The following WIF1 variants were observed in gnomAD, a reference collection of about 807,000 sequenced individuals.
WIF1 encodes Wnt inhibitory factor 1.
In WIF1, 35 loss-of-function variants were observed where a neutral mutation model predicts 53.5. The ratio of observed to expected loss-of-function variants is 0.65; its 90% confidence interval spans 0.50 to 0.87. WIF1 has a LOEUF of 0.87. WIF1 is among the 40% of genes least tolerant of loss of function. The probability of loss-of-function intolerance (pLI) is 0.00; values close to 1 mark genes in which losing one functional copy is unlikely to be tolerated. For missense variants in WIF1, 467 were observed against 476.8 expected, an observed-to-expected ratio of 0.98 and a Z score of 0.19; for synonymous variants, 171 against 170.4, an observed-to-expected ratio of 1.00 and a Z score of -0.03.
intron 3 of WIF1, among the ~76,000 whole-genome samples, chr12:65,077,441 A>G (rs1223039500): frequency 6.6e-6 from 1 of 152,180 alleles, no homozygotes; most frequent in Non-Finnish European, 1.5e-5. Flanking sequence ...TACATTGGCC[A>G]AATATATCTC....
At chr12:65,107,164 C>A (rs1385631277) in intron 2 of WIF1, among the ~76,000 whole-genome samples, 1 of 152,130 alleles carries the variant, frequency 6.6e-6, no homozygotes, top group African/African-American at 2.4e-5. Flanking sequence ...TTTTACATTG[C>A]CATCTGCTGG....
chr12:65,093,384 G>GT (rs1334076156), intron 2 of WIF1, among the ~76,000 whole-genome samples: 2 of 152,032 alleles, frequency 1.3e-5, no homozygotes, highest in Admixed American at 6.6e-5. Flanking sequence ...TTTTTTGTTT[G>GT]TTTTTTGCCT....
At chr12:65,063,066 T>A (rs1882637427) in intron 6 of WIF1, among the ~76,000 whole-genome samples, 1 of 152,140 alleles carries the variant, frequency 6.6e-6, no homozygotes, top group Admixed American at 6.6e-5. Context: ...CTTATTGAGA[T>A]TGTTTTTTAA....
At chr12:65,051,597 C>T (rs1273191565) in intron 9 of WIF1, 127 bp from the exon 10 acceptor site, 12 of 1,171,130 alleles carry the variant, frequency 1.0e-5, no homozygotes, top group Non-Finnish European at 1.4e-5. Flanking sequence ...GCAATGACCA[C>T]AAAAAGCTAC....
In WIF1 at chr12:65,055,362, T is replaced by C. The variant is rs1287746011; in HGVS notation, c.923-149A>G. On this transcript the variant is annotated intron_variant, in intron 8 of 9. Transcript: ENST00000286574. ...CCTAAGTCAGTCTCCAGTCATAAGTTGGTTTTGGACTTTTTGTAAAGTCCT... is the reference window on the plus strand; with the variant it reads ...CCTAAGTCAGTCTCCAGTCATAAGTCGGTTTTGGACTTTTTGTAAAGTCCT... 3.8e-6 allele frequency: 3 copies of C among 799,082 alleles called. No individual in the cohort carries two copies. The African/African-American group carries it at 5.2e-5, about 14-fold the overall frequency. The allele number at this position is 799,082 out of a possible 1,614,324, so 49.5% of individuals were successfully genotyped here.
intron 2 of WIF1, 138 bp from the exon 3 acceptor site, chr12:65,077,992 G>C (rs1565753285): frequency 1.5e-6 from 1 of 656,876 alleles, no homozygotes; most frequent in Non-Finnish European, 2.7e-6. Context: ...CAAGATACTG[G>C]GTAGGCACAA....
chr12:65,099,164 G>C (rs1487791768), intron 2 of WIF1, among the ~76,000 whole-genome samples: 1 of 152,154 alleles, frequency 6.6e-6, no homozygotes, highest in Non-Finnish European at 1.5e-5. Context: ...AATCTTCTCA[G>C]AAACACATGT....
chr12:65,103,137 C>G lies in WIF1; in HGVS notation c.288+17280G>C, dbSNP rs376397391. Among the ~76,000 whole-genome samples the G allele has an allele frequency of 2.6e-5, 4 of 152,128 alleles. No individual in the cohort carries two copies. In the East Asian group the frequency reaches 7.7e-4, roughly 29 times the overall value. On this transcript the variant is annotated intron_variant, in intron 2 of 9. Transcript: ENST00000286574. Reference sequence around the variant, plus strand: ...ATCATGAACACACAAATCTTTTGTGCGTTATAGAAAAATGCACAACTATTA... The same window carrying G: ...ATCATGAACACACAAATCTTTTGTGGGTTATAGAAAAATGCACAACTATTA...
At chr12:65,076,939 C>T (rs1346273712) in intron 3 of WIF1, among the ~76,000 whole-genome samples, 1 of 150,324 alleles carries the variant, frequency 6.7e-6, no homozygotes, top group Non-Finnish European at 1.5e-5. Flanking sequence ...TATATTATCA[C>T]AAATATGTAA....
chr12:65,057,658 C>T (rs1029695570), intron 7 of WIF1, among the ~76,000 whole-genome samples: 3 of 152,112 alleles, frequency 2.0e-5, no homozygotes, highest in East Asian at 1.9e-4. Context: ...TTTAGCAGAA[C>T]ACTCATTACA....
At chr12:65,074,278 G>A (rs1288811996) in intron 3 of WIF1, among the ~76,000 whole-genome samples, 1 of 151,726 alleles carries the variant, frequency 6.6e-6, no homozygotes, top group African/African-American at 2.4e-5. Flanking sequence ...AAAGCACTTA[G>A]GATACAAGCA....
chr12:65,107,087 T>C lies in WIF1; in HGVS notation c.288+13330A>G, dbSNP rs563789049. ...CATAAAGATCACAAATGGGCTTCTG[T>C]TACACAGAGAGCACCTGCAAGCTTA... On this transcript the variant is annotated intron_variant, in intron 2 of 9. Transcript: ENST00000286574. Among the ~76,000 whole-genome samples the C allele has an allele frequency of 4.7e-4, 71 of 152,254 alleles. 1 individual carries two copies. Among genetic ancestry groups the C allele is most frequent in the African/African-American group, 1.4e-3 (59 of 41,548 alleles).
chr12:65,061,129 G>C (rs1882605338), intron 7 of WIF1, among the ~76,000 whole-genome samples: 1 of 152,130 alleles, frequency 6.6e-6, no homozygotes, highest in South Asian at 2.1e-4. Context: ...AATAAGAATA[G>C]AAACCACACC....
In WIF1 at chr12:65,105,088, C is replaced by T. The variant is rs536810358; in HGVS notation, c.288+15329G>A. Among the ~76,000 whole-genome samples the T allele has an allele frequency of 7.2e-5, 11 of 152,018 alleles. No homozygotes were observed. The East Asian group carries it at 7.8e-4, about 11-fold the overall frequency. ...TGGCTCCAGAGGACAAGGAGAGAAC[C>T]AAGACCAGGAATTACTGATGTGACC... On this transcript the variant is annotated intron_variant, in intron 2 of 9. Coordinates refer to ENST00000286574, the MANE Select transcript of WIF1 (RefSeq NM_007191.5).
chr12:65,090,164 C>A (rs1300864765), intron 2 of WIF1, among the ~76,000 whole-genome samples: 3 of 152,228 alleles, frequency 2.0e-5, no homozygotes, highest in South Asian at 2.1e-4. Context: ...AAGGGGCCAA[C>A]AAGGGAGACT....
At chr12:65,095,750 T>G (rs1476752577) in intron 2 of WIF1, 1 of 152,146 alleles carries the variant, frequency 6.6e-6, no homozygotes, top group East Asian at 1.9e-4. Flanking sequence ...AAGCAGATCG[T>G]GCTCACTTCG....
intron 2 of WIF1, chr12:65,083,841 C>CTTTTCTT (rs1555186922): frequency 6.7e-6 from 2 of 297,452 alleles, no homozygotes; most frequent in Non-Finnish European, 1.3e-5. Flanking sequence ...CTTTTCTTTT[C>CTTTTCTT]TTTTCTTTTC....
intron 2 of WIF1, among the ~76,000 whole-genome samples, chr12:65,099,818 C>T (rs776053468): frequency 6.6e-6 from 1 of 152,158 alleles, no homozygotes; most frequent in African/African-American, 2.4e-5. Context: ...CACATTCTTT[C>T]TCTTAAAAAG....
intron 3 of WIF1, 37 bp from the exon 4 acceptor site, chr12:65,068,941 A>T (rs1882731542): frequency 1.3e-6 from 2 of 1,598,894 alleles, no homozygotes; most frequent in Non-Finnish European, 1.7e-6. Flanking sequence ...AGAAATAGTT[A>T]ATCTAGTTGA....
Sources: allele counts gnomAD v4.1 joint callset (sites outside exome capture counted in the v4.1 genomes callset), GRCh38; gene constraint gnomAD v4.1.1; transcripts MANE v1.5; gene names NCBI Gene and HGNC (gene_info 2026-07-23, HGNC 2026-07-21).